The following CFAP70 variants were observed in gnomAD, a reference collection of about 807,000 sequenced individuals.
CFAP70 encodes cilia and flagella associated protein 70.
A neutral mutation model predicts 137.6 loss-of-function variants in CFAP70; 81 were observed. The ratio of observed to expected loss-of-function variants is 0.59; its 90% CI spans 0.49 to 0.71. The LOEUF (loss-of-function observed/expected upper bound fraction) is 0.71. Ranked by LOEUF, CFAP70 falls within the 30% of genes least tolerant of loss-of-function variation. The pLI, the probability that CFAP70 is intolerant of heterozygous loss-of-function variation, is 0.00. For synonymous variants in CFAP70, 382 were observed against 423.6 expected (o/e 0.90, Z 1.20); for missense variants, 976 against 1,226.7 (o/e 0.80, Z 3.05).
chr10:73,265,559 T>A (rs537889220), intron 25 of CFAP70, among the ~76,000 whole-genome samples: 59 of 152,352 alleles, frequency 3.9e-4, no homozygotes, highest in African/African-American at 1.4e-3. Context: ...GTTTAATAAA[T>A]GAACTCCATT....
intron 24 of CFAP70, 194 bp downstream of exon 25, chr10:73,272,734 A>G: frequency 1.5e-6 from 1 of 663,470 alleles, no homozygotes; most frequent in Non-Finnish European, 2.7e-6. Context: ...GGATTTTTTA[A>G]AAAGATCTTT....
chr10:73,338,018 T>C lies in CFAP70; in HGVS notation c.583-2494A>G, dbSNP rs1208720772. 2.0e-5 allele frequency among the ~76,000 whole-genome samples: 3 copies of C among 152,230 alleles called. No individual in the cohort carries two copies. In the East Asian group the frequency reaches 5.8e-4, roughly 29 times the overall value. On this transcript the variant is annotated intron_variant, in intron 6 of 26. Coordinates refer to ENST00000310715, the Ensembl canonical transcript of CFAP70. ...AAATCAAGTGAAGAAACCTGCAGTT[T>C]TGCCATCATGAATAGACTAATGTAA...
At chr10:73,300,667 A>G (rs1192133399) in intron 12 of CFAP70, among the ~76,000 whole-genome samples, 2 of 152,158 alleles carry the variant, frequency 1.3e-5, no homozygotes, top group Non-Finnish European at 2.9e-5. Flanking sequence ...GTTCGAGACC[A>G]GCCTGAGAAA....
At chr10:73,325,371 G>A (rs1166105071) in intron 8 of CFAP70, among the ~76,000 whole-genome samples, 2 of 152,068 alleles carry the variant, frequency 1.3e-5, no homozygotes, top group Admixed American at 6.6e-5. Context: ...GGTACCAGCC[G>A]CTGCAAAATC....
intron 7 of CFAP70, among the ~76,000 whole-genome samples, chr10:73,334,441 G>A (rs1331764187): frequency 6.6e-6 from 1 of 152,144 alleles, no homozygotes; most frequent in Non-Finnish European, 1.5e-5. Context: ...GAGCGTGCAA[G>A]CTGGAGCTCC....
rs2046639651 is a variant in CFAP70, at chr10:73,275,371, A to G, written c.2673+75T>C. The G allele has an allele frequency of 6.8e-7, 1 of 1,472,802 alleles. No individual in the cohort carries two copies. The allele number at this position is 1,472,802 out of a possible 1,614,324, so 91.2% of individuals were successfully genotyped here. A position where few individuals can be genotyped will look rare whatever the true frequency, so the allele number is the denominator to read the frequency against. On this transcript the variant is annotated intron_variant, in intron 22 of 26. Coordinates refer to ENST00000310715, the Ensembl canonical transcript of CFAP70. The surrounding 1 kb of genome is among the most constrained non-coding windows in gnomAD (Gnocchi z 4.0). Reference sequence around the variant, plus strand: ...CCACCCTTCTGTTCACCAGAAATCTACGTGTGATATGGCATCACCACCTTT... The same window carrying G: ...CCACCCTTCTGTTCACCAGAAATCTGCGTGTGATATGGCATCACCACCTTT...
intron 25 of CFAP70, 70 bp downstream of exon 26, chr10:73,269,544 G>T (rs1276382658): frequency 1.9e-6 from 2 of 1,031,830 alleles, no homozygotes; most frequent in Non-Finnish European, 3.0e-6. Flanking sequence ...GCCATCTGCT[G>T]CCCCTTGCTT....
At chr10:73,277,083 T>G in intron 21 of CFAP70, 157 bp downstream of exon 22, 1 of 878,288 alleles carries the variant, frequency 1.1e-6, no homozygotes, top group Non-Finnish European at 1.6e-6. Flanking sequence ...GAGTGGTTCA[T>G]GTTTGGATGT....
chr10:73,329,177 CATGTCCTTTGTAGGGACA>C (rs2051804026), intron 8 of CFAP70, among the ~76,000 whole-genome samples: 1 of 152,198 alleles, frequency 6.6e-6, no homozygotes, highest in African/African-American at 2.4e-5. Context: ...ATGATGAGTT[CATGTCCTTTGTAGGGACA>C]TGGATGAAAT....
At position 73,341,388 on chromosome 10, in the gene CFAP70, C is replaced by T. The variant is rs1362283111; in HGVS notation, c.582+11G>A. ...AAGTTTATCACAAAAACCTGTATAT[C>T]AGGCTCTCACCTCAGGATGGTTGAG... On this transcript the variant is annotated intron_variant, in intron 6 of 26. Coordinates refer to ENST00000310715, the Ensembl canonical transcript of CFAP70. 6 of 1,592,780 alleles carry T rather than the reference C, an allele frequency of 3.8e-6. No homozygotes were observed. The South Asian group carries it at 6.8e-5, about 18-fold the overall frequency.
chr10:73,270,728 G>T (rs1226863634), intron 24 of CFAP70, among the ~76,000 whole-genome samples: 1 of 151,202 alleles, frequency 6.6e-6, no homozygotes, highest in East Asian at 2.0e-4. Flanking sequence ...TACAGACGGG[G>T]TTTCACCACA....
chr10:73,281,043 T>C (rs2047219110), intron 19 of CFAP70, among the ~76,000 whole-genome samples: 1 of 152,214 alleles, frequency 6.6e-6, no homozygotes, highest in African/African-American at 2.4e-5. Context: ...TTTACAGCTA[T>C]AAACTTCTCT....
At chr10:73,306,392 C>T (rs910212290) in intron 12 of CFAP70, among the ~76,000 whole-genome samples, 3 of 152,094 alleles carry the variant, frequency 2.0e-5, no homozygotes, top group Non-Finnish European at 4.4e-5. Context: ...CACACTAAAA[C>T]ACACCATAGT....
At chr10:73,281,736 C>A (rs1312642546) in intron 19 of CFAP70, among the ~76,000 whole-genome samples, 1 of 152,156 alleles carries the variant, frequency 6.6e-6, no homozygotes, top group Non-Finnish European at 1.5e-5. Context: ...GACATGGAAT[C>A]TAGCTAAGGT....
chr10:73,354,603 G>C, intron 2 of CFAP70, 131 bp downstream of exon 2: 1 of 720,208 alleles, frequency 1.4e-6, no homozygotes, highest in South Asian at 1.5e-5. Context: ...TAACAATAAG[G>C]AACACTGAGG....
intron 19 of CFAP70, among the ~76,000 whole-genome samples, chr10:73,289,171 T>C (rs754839560): frequency 2.4e-4 from 37 of 152,144 alleles, no homozygotes; most frequent in Non-Finnish European, 4.7e-4. Context: ...CAAAAAATTG[T>C]TATGATTACA....
At position 73,323,204 on chromosome 10, in the gene CFAP70, T is replaced by G. The variant is rs181058706; in HGVS notation, c.778-107A>C. 9.3e-5 allele frequency: 98 copies of G among 1,056,684 alleles called. 2 individuals carry two copies. In the East Asian group the frequency reaches 2.5e-3, roughly 27 times the overall value. The allele number at this position is 1,056,684 out of a possible 1,614,324, so 65.5% of individuals were successfully genotyped here. On this transcript the variant is annotated intron_variant, in intron 8 of 26. Transcript: ENST00000310715. Reference sequence around the variant, plus strand: ...GCCTGGTTTTAGAAACTAACTCAACTACTTAGCCAGTTATGTGACTTTGGG... The same window carrying G: ...GCCTGGTTTTAGAAACTAACTCAACGACTTAGCCAGTTATGTGACTTTGGG...
chr10:73,324,391 C>T (rs1028867660), intron 8 of CFAP70, among the ~76,000 whole-genome samples: 1 of 152,184 alleles, frequency 6.6e-6, no homozygotes, highest in Non-Finnish European at 1.5e-5. Flanking sequence ...GGGGAAAAAA[C>T]AGAGCAGAAA....
intron 25 of CFAP70, among the ~76,000 whole-genome samples, chr10:73,266,814 A>G (rs1833531428): frequency 6.6e-6 from 1 of 152,142 alleles, no homozygotes; most frequent in Admixed American, 6.5e-5. Flanking sequence ...TTGTCTGTTC[A>G]CTAGTCTCTG....
Sources: gnomAD v4.1 joint callset for allele counts (sites outside exome capture counted in the v4.1 genomes callset) on GRCh38, gnomAD v4.1.1 for gene constraint, Gnocchi (gnomAD v3.1) non-coding constraint, MANE v1.5 for transcripts, NCBI Gene and HGNC (gene_info 2026-07-23, HGNC 2026-07-21) for gene names.